Variants in BUB3 observed in about 807,000 individuals in gnomAD.
BUB3 encodes BUB3 mitotic checkpoint protein, also known as mitotic checkpoint protein BUB3.
In BUB3, 22 loss-of-function variants were observed where a neutral mutation model predicts 39.9. The ratio of observed to expected loss-of-function variants is 0.55; its 90% confidence interval spans 0.39 to 0.79. The LOEUF (loss-of-function observed/expected upper bound fraction) is 0.79. Ranked by LOEUF, BUB3 falls within the 30% of genes least tolerant of loss-of-function variation. The pLI is 0.00. For missense variants in BUB3, 303 were observed against 415.4 expected, an observed-to-expected ratio of 0.73 and a Z score of 2.35; for synonymous variants, 168 against 155.1, an observed-to-expected ratio of 1.08 and a Z score of -0.62.
At chr10:123,158,148 G>A (rs1844374138) in intron 4 of BUB3, among the ~76,000 whole-genome samples, 1 of 152,168 alleles carries the variant, frequency 6.6e-6, no homozygotes, top group South Asian at 2.1e-4. Flanking sequence ...AAATTGAGAA[G>A]CAACTCACTG....
chr10:123,155,859 AT>A (rs80337046), intron 3 of BUB3, 132 bp downstream of exon 3: 6 of 720,976 alleles, frequency 8.3e-6, no homozygotes, highest in Non-Finnish European at 1.4e-5. Flanking sequence ...TGAATTTAGG[AT>A]TTTTTTAATT....
In BUB3 at chr10:123,169,545, C is replaced by A. The variant is rs1844527043; in HGVS notation, c.*5710C>A. 1 of 152,242 alleles carries A rather than the reference C, an allele frequency of 6.6e-6. No homozygotes were observed. Among genetic ancestry groups the A allele is most frequent in the Non-Finnish European group, 1.5e-5 (1 of 68,044 alleles). The allele number at this position is 152,242 out of a possible 1,614,324, so 9.4% of individuals were successfully genotyped here. Reference sequence around the variant, plus strand: ...GGGACTTAGTTAAGTTTGGTGACTGCTTGAAGTCTAAGATCACCAAAGTGG... The same window carrying A: ...GGGACTTAGTTAAGTTTGGTGACTGATTGAAGTCTAAGATCACCAAAGTGG... On this transcript the variant is annotated 3_prime_UTR_variant, in exon 8 of 8. Coordinates refer to ENST00000368865, the MANE Select transcript of BUB3 (RefSeq NM_004725.4).
In BUB3 at chr10:123,164,792, C is replaced by CT. The variant is rs1448417487; in HGVS notation, c.*957_*958insT. 1 of 1,242,796 alleles carries CT rather than the reference C, an allele frequency of 8.0e-7. No homozygotes were observed. The highest frequency in any genetic ancestry group is 1.0e-6 in the Non-Finnish European group (1 of 991,074). The allele number at this position is 1,242,796 out of a possible 1,614,324, so 77.0% of individuals were successfully genotyped here. On this transcript the variant is annotated 3_prime_UTR_variant, in exon 8 of 8. Transcript: ENST00000368865. ...TTCATTTCAATGTAATGCACTAAAG[C>CT]AGAACACGAACTTAGCTTGGCCTAT...
At chr10:123,159,423 G>T (rs1405137770) in intron 4 of BUB3, among the ~76,000 whole-genome samples, 1 of 152,212 alleles carries the variant, frequency 6.6e-6, no homozygotes, top group Non-Finnish European at 1.5e-5. Context: ...TGCTAAGTCA[G>T]ATTAGAGTTT....
chr10:123,164,336 G>A lies in BUB3; in HGVS notation c.*501G>A. 1 of 985,968 alleles carries A rather than the reference G, an allele frequency of 1.0e-6. No individual in the cohort carries two copies. The highest frequency in any genetic ancestry group is 1.2e-6 in the Non-Finnish European group (1 of 830,374). 61.1% of individuals were successfully genotyped at this position (985,968 alleles called of 1,614,324 possible). A position where few individuals can be genotyped will look rare whatever the true frequency, so the allele number is the denominator to read the frequency against. The stretch of plus-strand genomic sequence containing the variant: ...TCTTGGCCGTCCATTATTTTCTGAA[G>A]CAGATGGTTCATCATTTCCTGGGCT... On this transcript the variant is annotated 3_prime_UTR_variant, in exon 8 of 8. Coordinates refer to ENST00000368865, the MANE Select transcript of BUB3 (RefSeq NM_004725.4).
chr10:123,155,104 G>A lies in BUB3; in HGVS notation c.187G>A (p.Ala63Thr), dbSNP rs1193018804. 2 of 1,613,546 alleles carry A rather than the reference G, an allele frequency of 1.2e-6. No individual in the cohort carries two copies. Among genetic ancestry groups the A allele is most frequent in the African/African-American group, 1.3e-5 (1 of 74,896 alleles). The stretch of plus-strand genomic sequence containing the variant: ...GCACACCGGCGCCGTCCTGGACTGC[G>A]CCTTCTACGTAGGTGCCCTCCCGCC... ...YQHTGAVLDC[A>T]FYDPTHAWSG... Residue 63 changes from alanine to threonine, a missense_variant, in exon 2 of 8, where the codon GCC becomes ACC. Around this residue, in one of 2 missense-constraint regions of BUB3, gnomAD observed 121 missense variants for 122.3 expected, o/e 0.99. Coordinates refer to ENST00000368865, the MANE Select transcript of BUB3 (RefSeq NM_004725.4).
chr10:123,165,910 A>G lies in BUB3; in HGVS notation c.*2075A>G, dbSNP rs563698568. The G allele has an allele frequency of 6.6e-6, 1 of 152,304 alleles. No homozygotes were observed. The highest frequency in any genetic ancestry group is 2.4e-5 in the African/African-American group (1 of 41,572). 9.4% of individuals were successfully genotyped at this position (152,304 alleles called of 1,614,324 possible). On this transcript the variant is annotated 3_prime_UTR_variant, in exon 8 of 8. Coordinates refer to ENST00000368865, the MANE Select transcript of BUB3 (RefSeq NM_004725.4). ...TCCCTAACCACTTGGTTGAGGACAG[A>G]CCATAAGTTTAAAACATTGTATAAG...
Position 123,164,432 on chromosome 10 carries a change from G to A in BUB3, c.*597G>A. ...TTTTCAATCTTATTAGGGTGCAGAA[G>A]GAAAACTAATAAGAAAACCTCCTAA... On this transcript the variant is annotated 3_prime_UTR_variant, in exon 8 of 8. Coordinates refer to ENST00000368865, the MANE Select transcript of BUB3 (RefSeq NM_004725.4). The A allele has an allele frequency of 1.0e-6, 1 of 985,516 alleles. No individual in the cohort carries two copies. 61.0% of individuals were successfully genotyped at this position (985,516 alleles called of 1,614,324 possible).
chr10:123,156,152 A>T (rs1032080796), intron 3 of BUB3, among the ~76,000 whole-genome samples: 1 of 152,240 alleles, frequency 6.6e-6, no homozygotes, highest in South Asian at 2.1e-4. Flanking sequence ...AATCATGTCT[A>T]TATTAATTGT....
At position 123,154,819 on chromosome 10, in the gene BUB3, C is replaced by T. The variant is rs1844325139; in HGVS notation, c.1-99C>T. On this transcript the variant is annotated intron_variant, in intron 1 of 7. Transcript: ENST00000368865. ...AGCGCAGAGTCTCCTCGCGGTCGTC[C>T]TCTCGGCCCCTCCCTCTGGGGGGAC... The T allele has an allele frequency of 1.2e-5, 16 of 1,322,216 alleles. No homozygotes were observed. The Middle Eastern group carries it at 1.1e-3, about 91-fold the overall frequency. The allele number at this position is 1,322,216 out of a possible 1,614,324, so 81.9% of individuals were successfully genotyped here. A position where few individuals can be genotyped will look rare whatever the true frequency, so the allele number is the denominator to read the frequency against.
chr10:123,157,695 G>A, intron 3 of BUB3, 34 bp from the exon 4 acceptor site: 2 of 1,545,494 alleles, frequency 1.3e-6, no homozygotes, highest in Non-Finnish European at 8.7e-7. Context: ...TAAGCTAGAT[G>A]TTGGGGTTTT....
At position 123,168,798 on chromosome 10, in the gene BUB3, C is replaced by T. The variant is rs187398870; in HGVS notation, c.*4963C>T. The T allele has an allele frequency of 7.0e-4, 107 of 152,260 alleles. No individual in the cohort carries two copies. Among genetic ancestry groups the T allele is most frequent in the African/African-American group, 2.1e-3 (89 of 41,532 alleles). The allele number at this position is 152,260 out of a possible 1,614,324, so 9.4% of individuals were successfully genotyped here. Reference sequence around the variant, plus strand: ...GAACTCCTGACTTCAGGTAATCCGCCCTCCTTGGTCTCCCAAAGTGCTGGG... The same window carrying T: ...GAACTCCTGACTTCAGGTAATCCGCTCTCCTTGGTCTCCCAAAGTGCTGGG... On this transcript the variant is annotated 3_prime_UTR_variant, in exon 8 of 8. Transcript: ENST00000368865.
Position 123,166,195 on chromosome 10 carries a change from ATTCT to A in BUB3, c.*2363_*2366del, listed in dbSNP as rs1844490634. 6.6e-6 allele frequency: 1 copy of A among 152,254 alleles called. No individual in the cohort carries two copies. Among genetic ancestry groups the A allele is most frequent in the Admixed American group, 6.5e-5 (1 of 15,294 alleles). 9.4% of individuals were successfully genotyped at this position (152,254 alleles called of 1,614,324 possible). ...CTTCTCATTGGTTTCCCTCACCCACATTCTTTAAGTGTCTCTTCTGTTTATCTTT... is the reference window on the plus strand; with the variant it reads ...CTTCTCATTGGTTTCCCTCACCCACATTAAGTGTCTCTTCTGTTTATCTTT... On this transcript the variant is annotated 3_prime_UTR_variant, in exon 8 of 8. Coordinates refer to ENST00000368865, the MANE Select transcript of BUB3 (RefSeq NM_004725.4).
Position 123,163,871 on chromosome 10 carries a change from A to G in BUB3, c.*36A>G, listed in dbSNP as rs201333657. The G allele has an allele frequency of 2.4e-5, 38 of 1,588,214 alleles. No homozygotes were observed. Among genetic ancestry groups the G allele is most frequent in the Non-Finnish European group, 2.8e-5 (33 of 1,160,116 alleles). The stretch of plus-strand genomic sequence containing the variant: ...TTTACTTAAGTGCCATGTTGATGAT[A>G]ATAAAACAATTCGTACTCCCCAATG... On this transcript the variant is annotated 3_prime_UTR_variant, in exon 8 of 8. Transcript: ENST00000368865.
rs968806807 is a variant in BUB3, at chr10:123,164,761, A to G, written c.*926A>G. The G allele has an allele frequency of 6.9e-6, 8 of 1,151,598 alleles. No individual in the cohort carries two copies. In the African/African-American group the frequency reaches 1.3e-4, roughly 18 times the overall value. The allele number at this position is 1,151,598 out of a possible 1,614,324, so 71.3% of individuals were successfully genotyped here. A position where few individuals can be genotyped will look rare whatever the true frequency, so the allele number is the denominator to read the frequency against. On this transcript the variant is annotated 3_prime_UTR_variant, in exon 8 of 8. Transcript: ENST00000368865. ...TAAAAAGAAAAAAATTATAGTGAGA[A>G]TGAGATTCATTTCAATGTAATGCAC... is the stretch of plus-strand genomic sequence containing the variant.
intron 1 of BUB3, 192 bp from the exon 2 acceptor site, chr10:123,154,726 G>T: frequency 1.7e-6 from 1 of 602,614 alleles, no homozygotes; most frequent in Non-Finnish European, 2.8e-6. Flanking sequence ...GGGCCGGTTT[G>T]GGCGCGGCGG....
chr10:123,154,763 CCTTGGCGGGCGAGTG>C (rs1844324193), intron 1 of BUB3, 140 bp from the exon 2 acceptor site: 1 of 787,800 alleles, frequency 1.3e-6, no homozygotes, highest in Non-Finnish European at 1.9e-6. Flanking sequence ...CGAGTCCGGA[CCTTGGCGGGCGAGTG>C]CTCGGCGCAG....
chr10:123,161,417 C>G (rs1308790977), intron 5 of BUB3, among the ~76,000 whole-genome samples: 1 of 151,966 alleles, frequency 6.6e-6, no homozygotes, highest in Non-Finnish European at 1.5e-5. Flanking sequence ...TAAAGAATTG[C>G]AGTTATGTGA....
At chr10:123,159,146 CT>C (rs1487795324) in intron 4 of BUB3, among the ~76,000 whole-genome samples, 2 of 152,080 alleles carry the variant, frequency 1.3e-5, no homozygotes, top group Non-Finnish European at 2.9e-5. Context: ...TTTATATCTG[CT>C]TATATTAAAT....
Sources: allele counts gnomAD v4.1 joint callset (sites outside exome capture counted in the v4.1 genomes callset), GRCh38; gene constraint gnomAD v4.1.1; regional missense constraint gnomAD v4.1.1; transcripts MANE v1.5; gene names NCBI Gene and HGNC (gene_info 2026-07-23, HGNC 2026-07-21).